Variants in BMERB1 observed in about 807,000 individuals in gnomAD.
The protein encoded by BMERB1 is bMERB domain-containing protein 1.
BMERB1 carries 12 observed loss-of-function variants against 23.6 expected under a neutral mutation model. The ratio of observed to expected loss-of-function variants is 0.51; its 90% CI spans 0.33 to 0.82. BMERB1 has a LOEUF of 0.82. Ranked by LOEUF, BMERB1 falls within the 40% of genes least tolerant of loss-of-function variation. BMERB1 has a pLI of 0.03. For synonymous variants in BMERB1, 122 were observed against 96.6 expected (o/e 1.26, Z -1.54); for missense variants, 247 against 255.4 (o/e 0.97, Z 0.22).
At chr16:15,476,149 C>T (rs1256500344) in intron 1 of BMERB1, among the ~76,000 whole-genome samples, 1 of 146,404 alleles carries the variant, frequency 6.8e-6, no homozygotes, top group Non-Finnish European at 1.5e-5. Context: ...CTACTTTGTA[C>T]ATGTCATTCA....
chr16:15,572,227 C>T (rs1327045670), intron 3 of BMERB1, among the ~76,000 whole-genome samples: 3 of 149,646 alleles, frequency 2.0e-5, no homozygotes, highest in African/African-American at 7.7e-5. Flanking sequence ...GAAAATGAGG[C>T]CAATAATACT....
At chr16:15,490,221 G>C (rs577301472) in intron 1 of BMERB1, among the ~76,000 whole-genome samples, 2 of 152,188 alleles carry the variant, frequency 1.3e-5, no homozygotes, top group East Asian at 3.9e-4. Flanking sequence ...TTCAGCTTCT[G>C]GTTACTGGTG....
chr16:15,442,881 G>C (rs1326659294), intron 1 of BMERB1, among the ~76,000 whole-genome samples: 1 of 152,152 alleles, frequency 6.6e-6, no homozygotes, highest in African/African-American at 2.4e-5. Flanking sequence ...AGAGATTAGA[G>C]ATGGAATAAG....
intron 2 of BMERB1, among the ~76,000 whole-genome samples, chr16:15,564,525 C>A (rs556520490): frequency 6.6e-6 from 1 of 152,214 alleles, no homozygotes; most frequent in African/African-American, 2.4e-5. Context: ...AATTTTAAAG[C>A]GTCTATAATT....
At chr16:15,501,509 C>G (rs1302993138) in intron 1 of BMERB1, among the ~76,000 whole-genome samples, 1 of 152,038 alleles carries the variant, frequency 6.6e-6, no homozygotes, top group Non-Finnish European at 1.5e-5. Flanking sequence ...GAGTCTCCCT[C>G]TGTTGCCCAG....
At chr16:15,550,766 G>C (rs1211681934) in intron 2 of BMERB1, among the ~76,000 whole-genome samples, 1 of 152,192 alleles carries the variant, frequency 6.6e-6, no homozygotes, top group Non-Finnish European at 1.5e-5. Context: ...AATTGTCAGG[G>C]CTCTGGAGTT....
Position 15,581,323 on chromosome 16 carries a change from G to A in BMERB1, c.411G>A (p.Glu137=). The A allele has an allele frequency of 6.2e-7, 1 of 1,613,874 alleles. No homozygotes were observed. The highest frequency in any genetic ancestry group is 8.5e-7 in the Non-Finnish European group (1 of 1,179,930). Reference sequence around the variant, plus strand: ...TCCTGGTGGACGATGCGGAGGTCGAGCGGTTAAGGTGAGTGCACTGCGGGT... The same window carrying A: ...TCCTGGTGGACGATGCGGAGGTCGAACGGTTAAGGTGAGTGCACTGCGGGT... The part of the protein sequence containing the change: ...RDFLVDDAEV[E]RLREQEEDKE... The change falls in exon 4 of 6, where the codon GAG becomes GAA. Residue 137 remains glutamate, a synonymous_variant. Coordinates refer to ENST00000300006, the MANE Select transcript of BMERB1 (RefSeq NM_033201.3).
intron 1 of BMERB1, among the ~76,000 whole-genome samples, chr16:15,498,471 G>T (rs187771960): frequency 6.6e-6 from 1 of 152,028 alleles, no homozygotes; most frequent in East Asian, 1.9e-4. Flanking sequence ...ATGCAGTGAG[G>T]TATGATCACA....
chr16:15,546,890 G>T (rs546434880), intron 2 of BMERB1, among the ~76,000 whole-genome samples: 1 of 152,084 alleles, frequency 6.6e-6, no homozygotes. Flanking sequence ...AATCCTAAAC[G>T]TGTCCTGTTA....
chr16:15,507,076 T>C (rs1209564932), intron 1 of BMERB1, among the ~76,000 whole-genome samples: 1 of 152,182 alleles, frequency 6.6e-6, no homozygotes, highest in East Asian at 1.9e-4. Context: ...CGTAAAGTTA[T>C]AAAGCAGAAG....
At chr16:15,577,380 A>G (rs1029632127) in intron 3 of BMERB1, among the ~76,000 whole-genome samples, 1 of 152,134 alleles carries the variant, frequency 6.6e-6, no homozygotes, top group African/African-American at 2.4e-5. Flanking sequence ...TTTCTTCTTC[A>G]CTCCTGTATC....
intron 1 of BMERB1, among the ~76,000 whole-genome samples, chr16:15,507,106 G>C (rs1244208467): frequency 1.3e-5 from 2 of 152,188 alleles, no homozygotes; most frequent in Non-Finnish European, 2.9e-5. Flanking sequence ...AGGTTGTGCA[G>C]GGCACCCTGA....
chr16:15,470,537 T>G (rs555130247), intron 1 of BMERB1, among the ~76,000 whole-genome samples: 1 of 151,842 alleles, frequency 6.6e-6, no homozygotes, highest in South Asian at 2.1e-4. Flanking sequence ...TTCTTTCTTT[T>G]TTTTTTTTAG....
chr16:15,479,822 TG>T, intron 1 of BMERB1, among the ~76,000 whole-genome samples: 1 of 151,826 alleles, frequency 6.6e-6, no homozygotes, highest in African/African-American at 2.4e-5. Context: ...GGCTGACACT[TG>T]TAATCCCAGC....
chr16:15,471,864 C>T (rs1016710339), intron 1 of BMERB1, among the ~76,000 whole-genome samples: 1 of 152,200 alleles, frequency 6.6e-6, no homozygotes, highest in African/African-American at 2.4e-5. Context: ...AGGCATGAGC[C>T]ACTGCACCCA....
intron 1 of BMERB1, among the ~76,000 whole-genome samples, chr16:15,496,739 C>A (rs1028717295): frequency 1.3e-5 from 2 of 152,078 alleles, no homozygotes; most frequent in African/African-American, 4.8e-5. Flanking sequence ...GGGGTTTCAC[C>A]ATGTTAGCCA....
At position 15,443,095 on chromosome 16, in the gene BMERB1, A is replaced by T. The variant is rs535261032; in HGVS notation, c.106+8336A>T. On this transcript the variant is annotated intron_variant, in intron 1 of 5. Transcript: ENST00000300006. Reference sequence around the variant, plus strand: ...AAACCCCATCTCTACCAAAAATACAAAAATTAGCCAGGCATAGTGGCATGC... The same window carrying T: ...AAACCCCATCTCTACCAAAAATACATAAATTAGCCAGGCATAGTGGCATGC... 2.4e-3 allele frequency among the ~76,000 whole-genome samples: 368 copies of T among 152,214 alleles called. 5 individuals carry two copies. The highest frequency in any genetic ancestry group is 8.5e-3 in the African/African-American group (355 of 41,530).
At chr16:15,435,276 G>A (rs897093811) in intron 1 of BMERB1, among the ~76,000 whole-genome samples, 1 of 152,180 alleles carries the variant, frequency 6.6e-6, no homozygotes, top group Non-Finnish European at 1.5e-5. Context: ...TTGGGTCGGG[G>A]TGGGAGGCTT....
chr16:15,518,332 C>T (rs2051799957), intron 2 of BMERB1, among the ~76,000 whole-genome samples: 1 of 152,176 alleles, frequency 6.6e-6, no homozygotes, highest in Non-Finnish European at 1.5e-5. Flanking sequence ...GGACCCCCTT[C>T]CAGGCCCCCA....
Sources: allele counts gnomAD v4.1 joint callset (sites outside exome capture counted in the v4.1 genomes callset), GRCh38; gene constraint gnomAD v4.1.1; transcripts MANE v1.5; gene names NCBI Gene and HGNC (gene_info 2026-07-23, HGNC 2026-07-21).